CORIN: variants seen among roughly 807,000 people sequenced by gnomAD.
CORIN encodes corin, serine peptidase, also known as atrial natriuretic peptide-converting enzyme.
Under a neutral mutation model 125.3 loss-of-function variants are expected in CORIN, and 117 were observed. That is an observed-to-expected ratio of 0.93 (90% CI 0.80 to 1.09). The LOEUF is 1.09. CORIN is among the 50% of genes least tolerant of loss of function. The probability of loss-of-function intolerance (pLI) is 0.00; values close to 1 mark genes in which losing one functional copy is unlikely to be tolerated. For synonymous variants in CORIN, 450 were observed against 466.4 expected, an observed-to-expected ratio of 0.96 and a Z score of 0.45; for missense variants, 1,253 against 1,306.7, an observed-to-expected ratio of 0.96 and a Z score of 0.63.
In CORIN at chr4:47,665,280, C is replaced by T. The variant is rs1017378180; in HGVS notation, c.1358-17G>A. On this transcript the variant is annotated splice_polypyrimidine_tract_variant and intron_variant, in intron 10 of 21. Coordinates refer to ENST00000273857, the MANE Select transcript of CORIN (RefSeq NM_006587.4). ...CACATTGACCTAACAAAGAAACATACACACAAATATTTTTAAATTTCACAT... is the reference window on the plus strand; with the variant it reads ...CACATTGACCTAACAAAGAAACATATACACAAATATTTTTAAATTTCACAT... 1 of 1,544,826 alleles carries T rather than the reference C, an allele frequency of 6.5e-7. No individual in the cohort carries two copies. Among genetic ancestry groups the T allele is most frequent in the Non-Finnish European group, 8.9e-7 (1 of 1,126,194 alleles).
chr4:47,639,160 C>T (rs200934826), intron 16 of CORIN, among the ~76,000 whole-genome samples: 1 of 148,202 alleles, frequency 6.7e-6, no homozygotes, highest in Non-Finnish European at 1.5e-5. Flanking sequence ...TACATACACA[C>T]TACAATGCCG....
At position 47,626,482 on chromosome 4, in the gene CORIN, T is replaced by C. The variant is rs1444563884; in HGVS notation, c.2238A>G (p.Lys746=). Residue 746 remains lysine (K), a synonymous_variant, in exon 17 of 22, where the codon AAA becomes AAG. Transcript: ENST00000273857. ...SVTKLIQEQE[K]EPRWLTLHSN... ...AGTGTAATGTCAGCCACCGCGGCTCTTTCTCCTGTTCCTGTATCAATTTGG... is the reference window on the plus strand; with the variant it reads ...AGTGTAATGTCAGCCACCGCGGCTCCTTCTCCTGTTCCTGTATCAATTTGG... The C allele has an allele frequency of 1.9e-6, 3 of 1,614,050 alleles. No homozygotes were observed. The highest frequency in any genetic ancestry group is 1.7e-4 in the Middle Eastern group (1 of 6,058).
chr4:47,710,994 T>C (rs1353134398), intron 5 of CORIN, among the ~76,000 whole-genome samples: 1 of 152,216 alleles, frequency 6.6e-6, no homozygotes, highest in Non-Finnish European at 1.5e-5. Context: ...CCTGTGCCCC[T>C]GCAGAAGTCA....
intron 16 of CORIN, among the ~76,000 whole-genome samples, chr4:47,628,513 A>G (rs554012974): frequency 6.6e-6 from 1 of 152,054 alleles, no homozygotes; most frequent in East Asian, 1.9e-4. Flanking sequence ...AATTTCAAGT[A>G]TACAATTTAG....
rs142904418 is a variant in CORIN at position 47,761,480 on chromosome 4, T to TACACACAC, written c.617+1891_617+1898dup. Among the ~76,000 whole-genome samples, 131 of 144,486 alleles carry TACACACAC rather than the reference T, an allele frequency of 9.1e-4. 2 individuals are homozygous for TACACACAC. The highest frequency in any genetic ancestry group is 3.1e-3 in the African/African-American group (124 of 39,372). The allele number at this position is 144,486 out of a possible 152,430, so 94.8% of individuals were successfully genotyped here. A position where few individuals can be genotyped will look rare whatever the true frequency, so the allele number is the denominator to read the frequency against. ...CAATGAATGCATAAAGAAAATGTGA[T>TACACACAC]ACACACACACACACACACACACACA... On this transcript the variant is annotated intron_variant, in intron 4 of 21. Coordinates refer to ENST00000273857, the MANE Select transcript of CORIN (RefSeq NM_006587.4).
At chr4:47,816,627 T>G (rs772316304) in intron 1 of CORIN, among the ~76,000 whole-genome samples, 1 of 152,176 alleles carries the variant, frequency 6.6e-6, no homozygotes, top group Non-Finnish European at 1.5e-5. Flanking sequence ...TGTGAACTTT[T>G]GCACTGAAAC....
At chr4:47,652,396 C>T (rs1723771404) in intron 13 of CORIN, among the ~76,000 whole-genome samples, 1 of 152,170 alleles carries the variant, frequency 6.6e-6, no homozygotes, top group South Asian at 2.1e-4. Context: ...TTTCATACTT[C>T]AAAGGCCAAA....
At chr4:47,643,345 A>T in intron 14 of CORIN, 89 bp from the exon 15 acceptor site, 2 of 1,220,096 alleles carry the variant, frequency 1.6e-6, no homozygotes, top group Non-Finnish European at 2.3e-6. Flanking sequence ...TGCCAGCAGG[A>T]GCATGGAAAG....
intron 8 of CORIN, among the ~76,000 whole-genome samples, chr4:47,678,916 G>A (rs1326134917): frequency 6.6e-6 from 1 of 152,196 alleles, no homozygotes; most frequent in Non-Finnish European, 1.5e-5. Flanking sequence ...GGACTCGGAG[G>A]ACATCCCACT....
At chr4:47,693,901 A>G (rs1228797006) in intron 5 of CORIN, among the ~76,000 whole-genome samples, 5 of 152,244 alleles carry the variant, frequency 3.3e-5, no homozygotes, top group Non-Finnish European at 7.3e-5. Flanking sequence ...AAGATAAAAA[A>G]TATTTGGTAA....
At chr4:47,706,626 C>T (rs987818514) in intron 5 of CORIN, 116 of 1,605,192 alleles carry the variant, frequency 7.2e-5, no homozygotes, top group Non-Finnish European at 9.8e-5. Context: ...GCAAGCCTGT[C>T]CATCATGGTG....
chr4:47,748,948 C>A (rs6822826), intron 4 of CORIN, among the ~76,000 whole-genome samples: 8,429 of 152,204 alleles, frequency 0.055, 728 homozygotes, highest in African/African-American at 0.19. Context: ...AGAACCAGGA[C>A]ATTAGCATTG....
intron 5 of CORIN, among the ~76,000 whole-genome samples, chr4:47,742,063 A>G (rs887217233): frequency 5.9e-5 from 9 of 152,034 alleles, no homozygotes; most frequent in African/African-American, 2.2e-4. Flanking sequence ...TAGTATGTGA[A>G]TGATCTCAGT....
chr4:47,656,220 A>G (rs1258792134), intron 12 of CORIN, among the ~76,000 whole-genome samples: 3 of 145,566 alleles, frequency 2.1e-5, no homozygotes, highest in East Asian at 2.0e-4. Flanking sequence ...CAATGGCATG[A>G]TCTTGGCTCA....
chr4:47,795,778 A>AT (rs1390041428), intron 2 of CORIN, among the ~76,000 whole-genome samples: 3 of 152,150 alleles, frequency 2.0e-5, no homozygotes, highest in South Asian at 2.1e-4. Context: ...AGGTAACCTG[A>AT]TTTTTTTAAC....
intron 5 of CORIN, among the ~76,000 whole-genome samples, chr4:47,724,444 G>C (rs1229795248): frequency 6.6e-6 from 1 of 151,870 alleles, no homozygotes; most frequent in Non-Finnish European, 1.5e-5. Flanking sequence ...AAAGGAAGGA[G>C]AATGAGATTT....
At chr4:47,676,645 A>AT (rs1197467209) in intron 9 of CORIN, among the ~76,000 whole-genome samples, 1 of 152,136 alleles carries the variant, frequency 6.6e-6, no homozygotes, top group Admixed American at 6.6e-5. Context: ...CACAATATAC[A>AT]TTTTTTGAGT....
chr4:47,677,529 G>T (rs1725080830), intron 9 of CORIN, among the ~76,000 whole-genome samples: 1 of 152,058 alleles, frequency 6.6e-6, no homozygotes, highest in African/African-American at 2.4e-5. Context: ...TGTATTGCTC[G>T]GTAATAAGAG....
chr4:47,757,888 A>ATG (rs922641423), intron 4 of CORIN, among the ~76,000 whole-genome samples: 13 of 143,528 alleles, frequency 9.1e-5, no homozygotes, highest in Non-Finnish European at 1.5e-4. Flanking sequence ...GTATATATAT[A>ATG]TATATATATA....
Sources: gnomAD v4.1 joint callset for allele counts (sites outside exome capture counted in the v4.1 genomes callset) on GRCh38, gnomAD v4.1.1 for gene constraint, MANE v1.5 for transcripts, NCBI Gene and HGNC (gene_info 2026-07-23, HGNC 2026-07-21) for gene names.